The following PCDH10 variants were observed in gnomAD, a reference collection of about 807,000 sequenced individuals.
PCDH10 encodes protocadherin 10.
PCDH10 carries 15 observed loss-of-function variants against 74.4 expected under a neutral mutation model. The ratio of observed to expected loss-of-function variants is 0.20; its 90% confidence interval spans 0.13 to 0.31. The LOEUF (loss-of-function observed/expected upper bound fraction) is 0.31, where lower values mean the gene tolerates loss of function less well. Ranked by LOEUF, PCDH10 falls within the 10% of genes least tolerant of loss-of-function variation. The pLI is 1.00. For missense variants in PCDH10, 1,260 were observed against 1,390.2 expected (o/e 0.91, Z 1.49); for synonymous variants, 619 against 589.8 (o/e 1.05, Z -0.72).
chr4:133,160,424 G>A (rs1360009897), intron 3 of PCDH10, among the ~76,000 whole-genome samples: 1 of 147,044 alleles, frequency 6.8e-6, no homozygotes, highest in East Asian at 2.0e-4. Context: ...TTTTTGCCAT[G>A]CACATGCTAT....
chr4:133,152,411 C>T lies in PCDH10; in HGVS notation c.2271C>T (p.Cys757=). The T allele has an allele frequency of 6.2e-7, 1 of 1,614,146 alleles. No homozygotes were observed. Among genetic ancestry groups the T allele is most frequent in the Non-Finnish European group, 8.5e-7 (1 of 1,180,040 alleles). ...ATACTTGTCTGGCCAGCGATTGCTGCCTCTGCTGCTGCTGCTGCGGTGGCG... is the reference window on the plus strand; with the variant it reads ...ATACTTGTCTGGCCAGCGATTGCTGTCTCTGCTGCTGCTGCTGCGGTGGCG... ...NIYTCLASDC[C]LCCCCCGGGG... The change falls in exon 1 of 5, where the codon TGC becomes TGT. Residue 757 remains cysteine (C), a synonymous_variant. Coordinates refer to ENST00000264360, the MANE Select transcript of PCDH10 (RefSeq NM_032961.3).
chr4:133,193,807 C>A lies in PCDH10; in HGVS notation c.*3647C>A, dbSNP rs373834589. 5.3e-5 allele frequency: 8 copies of A among 151,524 alleles called. No individual in the cohort carries two copies. In the East Asian group the frequency reaches 1.5e-3, roughly 29 times the overall value. 9.4% of individuals were successfully genotyped at this position (151,524 alleles called of 1,614,324 possible). A position where few individuals can be genotyped will look rare whatever the true frequency, so the allele number is the denominator to read the frequency against. ...TCTTATATTTTTCATATTACAAATT[C>A]TTGAGTTCTTTATCTTTTTCAAGTC... On this transcript the variant is annotated 3_prime_UTR_variant, in exon 5 of 5. Coordinates refer to ENST00000264360, the MANE Select transcript of PCDH10 (RefSeq NM_032961.3).
rs960099573 is a variant in PCDH10 at position 133,192,845 on chromosome 4, C to T, written c.*2685C>T. The T allele has an allele frequency of 1.3e-5, 2 of 151,344 alleles. No homozygotes were observed. The highest frequency in any genetic ancestry group is 6.6e-5 in the Admixed American group (1 of 15,150). 9.4% of individuals were successfully genotyped at this position (151,344 alleles called of 1,614,324 possible). On this transcript the variant is annotated 3_prime_UTR_variant, in exon 5 of 5. Transcript: ENST00000264360. ...GGGGACTATAAAATGGAAAGTGCAA[C>T]CAACAAATAATGAAGGTTTCTAATT...
intron 3 of PCDH10, among the ~76,000 whole-genome samples, chr4:133,158,350 T>C (rs1726904725): frequency 2.6e-5 from 4 of 152,114 alleles, no homozygotes; most frequent in Admixed American, 6.6e-5. Flanking sequence ...TTGTCAATAA[T>C]GCTAAGCTTA....
Position 133,150,786 on chromosome 4 carries a change from G to A in PCDH10, c.646G>A (p.Gly216Arg), listed in dbSNP as rs755899916. 9 of 1,585,816 alleles carry A rather than the reference G, an allele frequency of 5.7e-6. No individual in the cohort carries two copies. The highest frequency in any genetic ancestry group is 7.7e-6 in the Non-Finnish European group (9 of 1,166,508). ...AGGTGGGGGAGGAGTAGGAGAAGGA[G>A]GGGGAGGTGGCGGGGGAGCAGGCCT... is the stretch of plus-strand genomic sequence containing the variant. ...GGGGGGVGEGGGGGGGAGLPP... is the reference protein window; with the variant it reads ...GGGGGGVGEGRGGGGGAGLPP... The change falls in exon 1 of 5, where the codon GGG becomes AGG. Residue 216 changes from glycine to arginine, a missense_variant. Around this residue, in one of 11 missense-constraint regions of PCDH10, gnomAD observed 192 missense variants for 161.2 expected, o/e 1.19. Transcript: ENST00000264360.
chr4:133,157,447 A>G (rs547559547), intron 3 of PCDH10, among the ~76,000 whole-genome samples: 93 of 152,208 alleles, frequency 6.1e-4, no homozygotes, highest in Non-Finnish European at 1.1e-3. Flanking sequence ...TTGTAAAGCC[A>G]GATATTAATG....
In PCDH10 at chr4:133,151,258, C is replaced by CCGGCACT; in HGVS notation, c.1119_1125dup (p.Val376ArgfsTer11). Reference sequence around the variant, plus strand: ...GAAGCGGTGAGTGAGGGCGCGGCGCCCGGCACTGTGGTGGCCCTTTTCAGC... The same window carrying CCGGCACT: ...GAAGCGGTGAGTGAGGGCGCGGCGCCCGGCACTCGGCACTGTGGTGGCCCTTTTCAGC... On this transcript the variant is annotated frameshift_variant, in exon 1 of 5. Transcript: ENST00000264360. LOFTEE classifies it high-confidence loss of function. 1 of 1,614,124 alleles carries CCGGCACT rather than the reference C, an allele frequency of 6.2e-7. No homozygotes were observed. Among genetic ancestry groups the CCGGCACT allele is most frequent in the Non-Finnish European group, 8.5e-7 (1 of 1,180,036 alleles).
At chr4:133,153,058 C>G in intron 1 of PCDH10, 1 of 1,376,802 alleles carries the variant, frequency 7.3e-7, no homozygotes, top group Non-Finnish European at 9.4e-7. Flanking sequence ...TTTCCCTTCT[C>G]AGTAACCTGG....
In PCDH10 at chr4:133,150,694, T is replaced by TA; in HGVS notation, c.554_555insA (p.Glu186GlyfsTer60). 6.2e-7 allele frequency: 1 copy of TA among 1,609,654 alleles called. No homozygotes were observed. Among genetic ancestry groups the TA allele is most frequent in the Non-Finnish European group, 8.5e-7 (1 of 1,179,544 alleles). ...GGCAACCGATTCGCTGAGCTGGTGCTGGAGAAGCCACTGGACCGAGAGCAG... is the reference window on the plus strand; with the variant it reads ...GGCAACCGATTCGCTGAGCTGGTGCTAGGAGAAGCCACTGGACCGAGAGCAG... On this transcript the variant is annotated frameshift_variant, in exon 1 of 5. Coordinates refer to ENST00000264360, the MANE Select transcript of PCDH10 (RefSeq NM_032961.3). LOFTEE classifies it high-confidence loss of function.
Position 133,152,151 on chromosome 4 carries a change from A to T in PCDH10, c.2011A>T (p.Thr671Ser). The change falls in exon 1 of 5, where the codon ACC (threonine) becomes TCC (serine). Residue 671 changes from threonine to serine, a missense_variant. By Grantham distance (58) the Thr-to-Ser change is moderately conservative. This residue lies in a region of PCDH10 where 587 missense variants were observed against 616.9 expected (regional missense o/e 0.95). Coordinates refer to ENST00000264360, the MANE Select transcript of PCDH10 (RefSeq NM_032961.3). The stretch of plus-strand genomic sequence containing the variant: ...CCATGGGCAGCCGCCCCTTTCCTCC[A>T]CCGCCACCCTGGTGGTTCAGCTGGT... ...RDHGQPPLSS[T>S]ATLVVQLVDG... 1 of 1,563,076 alleles carries T rather than the reference A, an allele frequency of 6.4e-7. No homozygotes were observed. The highest frequency in any genetic ancestry group is 8.7e-7 in the Non-Finnish European group (1 of 1,155,536).
At chr4:133,178,376 A>G (rs1446225091) in intron 4 of PCDH10, among the ~76,000 whole-genome samples, 1 of 151,944 alleles carries the variant, frequency 6.6e-6, no homozygotes, top group Non-Finnish European at 1.5e-5. Context: ...AGCTGGGATT[A>G]CAGGCATGCA....
Position 133,152,049 on chromosome 4 carries a change from G to A in PCDH10, c.1909G>A (p.Glu637Lys). Reference protein sequence around the residue: ...NLFRMDWRTGELRTARRVPAK... With the variant: ...NLFRMDWRTGKLRTARRVPAK... ...CTTTCGCATGGACTGGCGCACCGGG[G>A]AGCTGCGCACAGCACGCCGAGTCCC... Residue 637 changes from glutamate (E) to lysine (K), a missense_variant, in exon 1 of 5, where the codon GAG (glutamate) becomes AAG (lysine). Glu to Lys is a moderately conservative substitution (Grantham distance 56, BLOSUM62 1). Transcript: ENST00000264360. 1.2e-6 allele frequency: 2 copies of A among 1,610,936 alleles called. No homozygotes were observed. Among genetic ancestry groups the A allele is most frequent in the Non-Finnish European group, 1.7e-6 (2 of 1,178,818 alleles).
rs746337410 is a variant in PCDH10 at position 133,163,159 on chromosome 4, C to G, written c.2980C>G (p.Pro994Ala). 4.0e-5 allele frequency: 64 copies of G among 1,614,006 alleles called. No homozygotes were observed. Among genetic ancestry groups the G allele is most frequent in the Non-Finnish European group, 5.2e-5 (61 of 1,180,022 alleles). Residue 994 changes from proline (P) to alanine (A), a missense_variant, in exon 4 of 5, where the codon CCT (proline) becomes GCT (alanine). Transcript: ENST00000264360. ...GGTGTTTGAAACTCCAGAAGCCCAG[C>G]CTGGGGCAGAGCGGTCCTTTTCCAC... ...TEVFETPEAQPGAERSFSTFG... is the reference protein window; with the variant it reads ...TEVFETPEAQAGAERSFSTFG...
chr4:133,165,922 G>A (rs1319666680), intron 4 of PCDH10, among the ~76,000 whole-genome samples: 1 of 151,600 alleles, frequency 6.6e-6, no homozygotes, highest in Non-Finnish European at 1.5e-5. Flanking sequence ...ATTAAATAAT[G>A]TACTTCATGT....
At chr4:133,185,066 AC>A (rs1227309128) in intron 4 of PCDH10, among the ~76,000 whole-genome samples, 5 of 148,508 alleles carry the variant, frequency 3.4e-5, no homozygotes, top group Non-Finnish European at 5.9e-5. Flanking sequence ...TAGACAAAAC[AC>A]TTTGAATATT....
chr4:133,207,337 G>T (rs1728029737), intron 2 of PCDH10, among the ~76,000 whole-genome samples: 1 of 152,124 alleles, frequency 6.6e-6, no homozygotes, highest in Non-Finnish European at 1.5e-5. Flanking sequence ...CAGGCAACTA[G>T]CAAGCTTCAA....
At chr4:133,204,123 G>A (rs190595489) in intron 2 of PCDH10, among the ~76,000 whole-genome samples, 51 of 152,268 alleles carry the variant, frequency 3.3e-4, no homozygotes, top group Non-Finnish European at 1.3e-4. Flanking sequence ...ACCCCTGGGA[G>A]TCAGGAGGAT....
intron 4 of PCDH10, among the ~76,000 whole-genome samples, chr4:133,176,613 G>A (rs912716942): frequency 1.1e-4 from 17 of 152,054 alleles, no homozygotes; most frequent in Non-Finnish European, 2.2e-4. Flanking sequence ...TACATCTGCA[G>A]TGTATATATT....
chr4:133,205,344 C>A lies in PCDH10; in HGVS notation n.438-2732C>A, dbSNP rs1727980356. On this transcript the variant is annotated intron_variant and non_coding_transcript_variant, in intron 2 of 2. Transcript: ENST00000511112. The stretch of plus-strand genomic sequence containing the variant: ...ATTTTTCTGTTGTGAAGCTTTGATT[C>A]TTTGAAAGAGTTTCCATATCGTCTT... Among the ~76,000 whole-genome samples, 4 of 152,276 alleles carry A rather than the reference C, an allele frequency of 2.6e-5. No homozygotes were observed. In the South Asian group the frequency reaches 8.3e-4, roughly 32 times the overall value.
Sources: gnomAD v4.1 joint callset for allele counts (sites outside exome capture counted in the v4.1 genomes callset) on GRCh38, gnomAD v4.1.1 for gene constraint, gnomAD v4.1.1 regional missense constraint, MANE v1.5 for transcripts, NCBI Gene and HGNC (gene_info 2026-07-23, HGNC 2026-07-21) for gene names.